SEMA3E: variants seen among roughly 807,000 people sequenced by gnomAD.
SEMA3E encodes the protein semaphorin 3E, also known as semaphorin-3E.
Under a neutral mutation model 93.6 loss-of-function variants are expected in SEMA3E, and 49 were observed. The observed-to-expected ratio is 0.52, with a 90% CI of 0.42 to 0.66. SEMA3E has a LOEUF of 0.66. Ranked by LOEUF, SEMA3E falls within the 30% of genes least tolerant of loss-of-function variation. The probability of loss-of-function intolerance (pLI) is 0.00; values close to 1 mark genes in which losing one functional copy is unlikely to be tolerated. For missense variants in SEMA3E, 906 were observed against 964.8 expected, an observed-to-expected ratio of 0.94 and a Z score of 0.81; for synonymous variants, 363 against 330.7, an observed-to-expected ratio of 1.10 and a Z score of -1.06.
intron 1 of SEMA3E, among the ~76,000 whole-genome samples, chr7:83,565,974 T>C (rs1395597090): frequency 4.0e-5 from 6 of 151,490 alleles, no homozygotes; most frequent in Admixed American, 3.3e-4. Context: ...ATACACTTCC[T>C]TACTTACCAA....
At chr7:83,477,675 C>A (rs1381741525) in intron 2 of SEMA3E, among the ~76,000 whole-genome samples, 1 of 151,872 alleles carries the variant, frequency 6.6e-6, no homozygotes, top group Non-Finnish European at 1.5e-5. Flanking sequence ...TGATGCATGG[C>A]CTTTTGTATG....
In SEMA3E at chr7:83,400,025, T is replaced by C; in HGVS notation, c.1366+3A>G. On this transcript the variant is annotated splice_donor_region_variant and intron_variant, in intron 11 of 16. Coordinates refer to ENST00000643230, the MANE Select transcript of SEMA3E (RefSeq NM_012431.3). ...ATCTCTGAGTACTTTCTCGTCTCTT[T>C]ACCTGTCCCAATAAACAAGACGTCA... is the stretch of plus-strand genomic sequence containing the variant. The C allele has an allele frequency of 1.9e-6, 3 of 1,603,396 alleles. No homozygotes were observed. In the East Asian group the frequency reaches 6.7e-5, roughly 36 times the overall value.
At chr7:83,454,272 A>AATATATATATATATATATATATATATAT (rs71534491) in intron 4 of SEMA3E, among the ~76,000 whole-genome samples, 1 of 110,134 alleles carries the variant, frequency 9.1e-6, no homozygotes, top group African/African-American at 4.3e-5. Context: ...AAAAAAAAAA[A>AATATATATATATATATATATATATATAT]ATATATATAT....
chr7:83,533,391 A>C (rs1791345024), intron 1 of SEMA3E, among the ~76,000 whole-genome samples: 1 of 152,056 alleles, frequency 6.6e-6, no homozygotes, highest in Non-Finnish European at 1.5e-5. Context: ...AAAAAATACA[A>C]AAATTAGCCA....
chr7:83,376,418 T>C (rs984222786), intron 16 of SEMA3E, among the ~76,000 whole-genome samples: 4 of 152,100 alleles, frequency 2.6e-5, no homozygotes, highest in African/African-American at 9.7e-5. Context: ...CATTTTTCAT[T>C]GTTTCATTTT....
At chr7:83,379,496 T>A (rs926177669) in intron 16 of SEMA3E, among the ~76,000 whole-genome samples, 1 of 151,980 alleles carries the variant, frequency 6.6e-6, no homozygotes, top group Non-Finnish European at 1.5e-5. Flanking sequence ...ACTAAATGAA[T>A]GCTAACTATA....
chr7:83,412,936 T>A (rs2115673697), intron 5 of SEMA3E, among the ~76,000 whole-genome samples: 1 of 152,188 alleles, frequency 6.6e-6, no homozygotes, highest in South Asian at 2.1e-4. Context: ...AGGAACTCTA[T>A]TTTTTTCAAA....
chr7:83,508,411 C>A (rs747862248), intron 1 of SEMA3E, among the ~76,000 whole-genome samples: 3 of 151,686 alleles, frequency 2.0e-5, no homozygotes, highest in Non-Finnish European at 2.9e-5. Context: ...TACAGGCGTG[C>A]GCCACCACAC....
intron 1 of SEMA3E, among the ~76,000 whole-genome samples, chr7:83,599,815 T>C (rs150809246): frequency 9.2e-5 from 14 of 152,250 alleles, no homozygotes; most frequent in Non-Finnish European, 1.8e-4. Context: ...ATGGTGTCCG[T>C]GTATGTTTGT....
intron 16 of SEMA3E, among the ~76,000 whole-genome samples, chr7:83,376,482 T>C (rs367727867): frequency 2.6e-4 from 39 of 152,066 alleles, no homozygotes; most frequent in African/African-American, 8.9e-4. Context: ...ATGTTTTATT[T>C]TAGACTATAG....
At chr7:83,642,019 C>A (rs1002819065) in intron 1 of SEMA3E, among the ~76,000 whole-genome samples, 1 of 152,096 alleles carries the variant, frequency 6.6e-6, no homozygotes, top group Admixed American at 6.6e-5. Flanking sequence ...ATTAGATATG[C>A]CTCATCCAAA....
chr7:83,487,687 G>GACC (rs1790293988), intron 2 of SEMA3E, among the ~76,000 whole-genome samples: 2 of 56,240 alleles, frequency 3.6e-5, no homozygotes, highest in Non-Finnish European at 8.5e-5. Context: ...GAGGTCGTGT[G>GACC]TGTGTGTGTG....
rs1422556163 is a variant in SEMA3E at position 83,648,442 on chromosome 7, C to T, written c.101G>A (p.Arg34His). 7 of 1,604,380 alleles carry T rather than the reference C, an allele frequency of 4.4e-6. No individual in the cohort carries two copies. The highest frequency in any genetic ancestry group is 6.0e-6 in the Non-Finnish European group (7 of 1,175,200). The change falls in exon 1 of 17, where the codon CGC becomes CAC. Residue 34 changes from arginine (R) to histidine (H), a missense_variant. Transcript: ENST00000643230. The stretch of plus-strand genomic sequence containing the variant: ...AGGTAACCTACCTTTATGTGACAGG[C>T]GTAACCGGGGGTGGGTAGTATCAGC... ...HTADTTHPRL[R>H]LSHKELLNLN...
At position 83,392,679 on chromosome 7, in the gene SEMA3E, T is replaced by C; in HGVS notation, c.1543A>G (p.Arg515Gly). The change falls in exon 14 of 17, where the codon AGA becomes GGA. Residue 515 changes from arginine (R) to glycine (G), a missense_variant. Transcript: ENST00000643230. ...CCATACATGTCACAGTGATGGAATC[T>C]GACTTGAGCCACAGCAGAAGCAGAT... Reference protein sequence around the residue: ...IGSASAVAQVRFHHCDMYGSA... With the variant: ...IGSASAVAQVGFHHCDMYGSA... 6.2e-7 allele frequency: 1 copy of C among 1,613,882 alleles called. No homozygotes were observed. Among genetic ancestry groups the C allele is most frequent in the Non-Finnish European group, 8.5e-7 (1 of 1,179,878 alleles).
intron 5 of SEMA3E, among the ~76,000 whole-genome samples, chr7:83,416,594 CCT>C (rs1788545235): frequency 6.6e-6 from 1 of 151,818 alleles, no homozygotes; most frequent in African/African-American, 2.4e-5. Flanking sequence ...TTTCCAATTC[CCT>C]TTTTATGATT....
At chr7:83,642,029 A>ATATG (rs1794018479) in intron 1 of SEMA3E, among the ~76,000 whole-genome samples, 1 of 152,182 alleles carries the variant, frequency 6.6e-6, no homozygotes, top group Admixed American at 6.5e-5. Flanking sequence ...CCTCATCCAA[A>ATATG]GTCTAGGGGG....
intron 1 of SEMA3E, among the ~76,000 whole-genome samples, chr7:83,557,303 T>C (rs1038323759): frequency 6.6e-6 from 1 of 151,432 alleles, no homozygotes; most frequent in Non-Finnish European, 1.5e-5. Flanking sequence ...TTTATATGAA[T>C]CTATAAAAAT....
chr7:83,523,503 C>T (rs1791090166), intron 1 of SEMA3E, among the ~76,000 whole-genome samples: 1 of 152,008 alleles, frequency 6.6e-6, no homozygotes, highest in Admixed American at 6.6e-5. Context: ...ATCAAACAGC[C>T]CTATCCTGTC....
rs574014418 is a variant in SEMA3E, at chr7:83,542,198, A to G, written c.116-51924T>C. ...TCTCTATAAAAAAGTTAAAAAAAAA[A>G]AAAATTAGCCAGGCATGGTGGCACA... On this transcript the variant is annotated intron_variant, in intron 1 of 16. Transcript: ENST00000643230. Among the ~76,000 whole-genome samples the G allele has an allele frequency of 3.9e-5, 6 of 152,100 alleles. No homozygotes were observed. In the East Asian group the frequency reaches 1.2e-3, roughly 29 times the overall value.
Sources: allele counts gnomAD v4.1 joint callset (sites outside exome capture counted in the v4.1 genomes callset), GRCh38; gene constraint gnomAD v4.1.1; transcripts MANE v1.5; gene names NCBI Gene and HGNC (gene_info 2026-07-23, HGNC 2026-07-21).